SLC30A8: variants seen among roughly 807,000 people sequenced by gnomAD.
The protein encoded by SLC30A8 is proton-coupled zinc antiporter SLC30A8.
SLC30A8 carries 27 observed loss-of-function variants against 36.9 expected under a neutral mutation model. The observed-to-expected ratio is 0.73, with a 90% CI of 0.54 to 1.01. SLC30A8 has a LOEUF of 1.01. Ranked by LOEUF, SLC30A8 falls within the 50% of genes least tolerant of loss-of-function variation. The probability of loss-of-function intolerance (pLI) is 0.00; values close to 1 mark genes in which losing one functional copy is unlikely to be tolerated. For missense variants in SLC30A8, 439 were observed against 452.0 expected, an observed-to-expected ratio of 0.97 and a Z score of 0.26; for synonymous variants, 164 against 172.4, an observed-to-expected ratio of 0.95 and a Z score of 0.38.
intron 6 of SLC30A8, among the ~76,000 whole-genome samples, chr8:117,168,006 T>C (rs1823150345): frequency 6.6e-6 from 1 of 152,050 alleles, no homozygotes; most frequent in Non-Finnish European, 1.5e-5. Flanking sequence ...AGAGAGCTTT[T>C]TCAGGAGAAC....
rs116097324 is a variant in SLC30A8, at chr8:117,138,636, C to T, written c.71+3238C>T. Among the ~76,000 whole-genome samples, 711 of 152,120 alleles carry T rather than the reference C, an allele frequency of 4.7e-3. 7 individuals are homozygous for T. The highest frequency in any genetic ancestry group is 0.016 in the African/African-American group (675 of 41,524). Reference sequence around the variant, plus strand: ...CTATGGTTTCCTTCCTCTACCCAGCCTCCTCTCATAGGGTATAATCTCTAG... The same window carrying T: ...CTATGGTTTCCTTCCTCTACCCAGCTTCCTCTCATAGGGTATAATCTCTAG... On this transcript the variant is annotated intron_variant, in intron 1 of 7. Transcript: ENST00000456015.
rs183602243 is a variant in SLC30A8 at position 116,981,483 on chromosome 8, A to G, written c.-266+30364A>G. Among the ~76,000 whole-genome samples, 569 of 152,320 alleles carry G rather than the reference A, an allele frequency of 3.7e-3. 16 individuals are homozygous for G. The highest frequency in any genetic ancestry group is 0.034 in the Admixed American group (523 of 15,304). On this transcript the variant is annotated intron_variant, in intron 1 of 10. Coordinates refer to the SLC30A8 transcript ENST00000427715. ...GTTATACAGGTAAATTGCATGTCACAGGAGTTTAGCATACAGATTATTTCA... is the reference window on the plus strand; with the variant it reads ...GTTATACAGGTAAATTGCATGTCACGGGAGTTTAGCATACAGATTATTTCA...
intron 2 of SLC30A8, among the ~76,000 whole-genome samples, chr8:117,055,314 A>T (rs1186943848): frequency 6.6e-6 from 1 of 152,194 alleles, no homozygotes; most frequent in African/African-American, 2.4e-5. Flanking sequence ...TGCAATGTGG[A>T]TAGAAATCTC....
At chr8:117,059,809 T>C (rs1281881205) in intron 2 of SLC30A8, among the ~76,000 whole-genome samples, 2 of 152,136 alleles carry the variant, frequency 1.3e-5, no homozygotes, top group South Asian at 2.1e-4. Flanking sequence ...GACACGAAGA[T>C]TGGGGCGTGT....
intron 1 of SLC30A8, among the ~76,000 whole-genome samples, chr8:117,007,822 A>T (rs1001515473): frequency 6.6e-6 from 1 of 152,202 alleles, no homozygotes; most frequent in African/African-American, 2.4e-5. Context: ...GATTCCAAAA[A>T]ATATTCTTTT....
intron 2 of SLC30A8, among the ~76,000 whole-genome samples, chr8:117,114,946 C>G (rs1304953476): frequency 6.6e-6 from 1 of 151,818 alleles, no homozygotes; most frequent in Non-Finnish European, 1.5e-5. Context: ...GCTCTGTCAC[C>G]CAAGCTCTAG....
intron 1 of SLC30A8, among the ~76,000 whole-genome samples, chr8:116,958,607 C>T (rs1814301539): frequency 6.6e-6 from 1 of 151,816 alleles, no homozygotes; most frequent in South Asian, 2.1e-4. Flanking sequence ...CTTTTTATTA[C>T]TGGTCTTTAG....
At chr8:117,165,991 A>C (rs1292603433) in intron 6 of SLC30A8, among the ~76,000 whole-genome samples, 1 of 152,162 alleles carries the variant, frequency 6.6e-6, no homozygotes, top group African/African-American at 2.4e-5. Flanking sequence ...GAAGAGTAGG[A>C]TAGGGAGAGA....
intron 2 of SLC30A8, among the ~76,000 whole-genome samples, chr8:117,047,504 T>C (rs766963091): frequency 6.6e-6 from 1 of 152,128 alleles, no homozygotes; most frequent in African/African-American, 2.4e-5. Context: ...AGGATTATTA[T>C]TGAGTACAGT....
intron 4 of SLC30A8, among the ~76,000 whole-genome samples, chr8:117,159,276 T>C (rs952733161): frequency 5.9e-5 from 9 of 152,242 alleles, no homozygotes; most frequent in Non-Finnish European, 1.3e-4. Context: ...CCTATCTATC[T>C]TGCAATACAA....
At chr8:117,115,586 GT>G (rs1299639020) in intron 2 of SLC30A8, among the ~76,000 whole-genome samples, 5 of 152,052 alleles carry the variant, frequency 3.3e-5, no homozygotes, top group Non-Finnish European at 7.4e-5. Flanking sequence ...ACAAACACAT[GT>G]TTTTTCCTCA....
intron 3 of SLC30A8, 33 bp from the exon 4 acceptor site, chr8:117,157,658 T>C: frequency 6.2e-7 from 1 of 1,612,738 alleles, no homozygotes. Flanking sequence ...GAGTTATCTG[T>C]GTGTGGGTTT....
chr8:117,053,666 A>T (rs1817780575), intron 2 of SLC30A8, among the ~76,000 whole-genome samples: 1 of 152,224 alleles, frequency 6.6e-6, no homozygotes, highest in Non-Finnish European at 1.5e-5. Context: ...TTTCTGTCTG[A>T]AGCCAAAGTT....
intron 1 of SLC30A8, among the ~76,000 whole-genome samples, chr8:117,014,143 G>A (rs1037100121): frequency 6.6e-6 from 1 of 152,092 alleles, no homozygotes; most frequent in Admixed American, 6.6e-5. Flanking sequence ...CCTAATATAG[G>A]GGCACATGAA....
intron 1 of SLC30A8, among the ~76,000 whole-genome samples, chr8:117,015,308 A>C (rs73312280): frequency 0.016 from 2,404 of 152,244 alleles, 69 homozygotes; most frequent in African/African-American, 0.055. Flanking sequence ...GAAACTTAGC[A>C]AACAGCCCAT....
chr8:117,044,200 A>G (rs949638073), intron 2 of SLC30A8, among the ~76,000 whole-genome samples: 2 of 152,202 alleles, frequency 1.3e-5, no homozygotes, highest in African/African-American at 4.8e-5. Context: ...GCAGAGGGGT[A>G]TCCGCGTACA....
At chr8:117,125,916 T>C (rs1259235543) in intron 2 of SLC30A8, among the ~76,000 whole-genome samples, 1 of 151,968 alleles carries the variant, frequency 6.6e-6, no homozygotes, top group African/African-American at 2.4e-5. Flanking sequence ...TAAAATAGTA[T>C]CTGTAATAAG....
At chr8:117,019,035 G>A (rs553763022) in intron 1 of SLC30A8, among the ~76,000 whole-genome samples, 1 of 152,172 alleles carries the variant, frequency 6.6e-6, no homozygotes, top group East Asian at 1.9e-4. Flanking sequence ...ATTTTAAATG[G>A]TCATATAAGT....
intron 1 of SLC30A8, among the ~76,000 whole-genome samples, chr8:117,011,304 T>C (rs894702761): frequency 3.3e-5 from 5 of 152,210 alleles, no homozygotes; most frequent in Admixed American, 1.3e-4. Flanking sequence ...TTATGTCACT[T>C]GTAATCAGGA....
Sources: gnomAD v4.1 joint callset for allele counts (sites outside exome capture counted in the v4.1 genomes callset) on GRCh38, gnomAD v4.1.1 for gene constraint, MANE v1.5 for transcripts, NCBI Gene and HGNC (gene_info 2026-07-23, HGNC 2026-07-21) for gene names.